The following LRRC49 variants were observed in gnomAD, a reference collection of about 807,000 sequenced individuals.
LRRC49 encodes the protein leucine rich repeat containing 49, also known as leucine-rich repeat-containing protein 49.
LRRC49 carries 50 observed loss-of-function variants against 83.3 expected under a neutral mutation model. The ratio of observed to expected loss-of-function variants is 0.60; its 90% CI spans 0.48 to 0.76. The LOEUF (loss-of-function observed/expected upper bound fraction) is 0.76. LRRC49 is among the 30% of genes least tolerant of loss of function. The pLI is 0.00. For synonymous variants in LRRC49, 286 were observed against 283.3 expected (o/e 1.01, Z -0.10); for missense variants, 704 against 809.1 (o/e 0.87, Z 1.58).
At chr15:70,976,213 C>T (rs2037200959) in intron 9 of LRRC49, among the ~76,000 whole-genome samples, 1 of 152,190 alleles carries the variant, frequency 6.6e-6, no homozygotes, top group Non-Finnish European at 1.5e-5. Context: ...CAGCTAATAT[C>T]CCTGGACCAG....
At chr15:71,015,277 A>T (rs2038788371) in intron 14 of LRRC49, among the ~76,000 whole-genome samples, 2 of 152,206 alleles carry the variant, frequency 1.3e-5, no homozygotes, top group South Asian at 4.1e-4. Flanking sequence ...GATGATATGC[A>T]GCGGCAGTCC....
At position 70,859,846 on chromosome 15, in the gene LRRC49, G is replaced by A. The variant is rs1426006238; in HGVS notation, c.-299+6377G>A. On this transcript the variant is annotated intron_variant, in intron 1 of 16. Transcript: ENST00000544974. ...AGCTGCGTGAGTACCAGGAGCTGATGAATGTCAAGCTGGCCTTGGGCATCA... is the reference window on the plus strand; with the variant it reads ...AGCTGCGTGAGTACCAGGAGCTGATAAATGTCAAGCTGGCCTTGGGCATCA... The A allele has an allele frequency of 2.5e-5, 19 of 766,996 alleles. No homozygotes were observed. In the Admixed American group the frequency reaches 2.6e-4, roughly 10 times the overall value. 47.5% of individuals were successfully genotyped at this position (766,996 alleles called of 1,614,324 possible).
rs866188656 is a variant in LRRC49 at position 70,929,328 on chromosome 15, T to C, written c.712-7433T>C. 4.6e-5 allele frequency among the ~76,000 whole-genome samples: 7 copies of C among 152,356 alleles called. 1 individual carries two copies. The highest frequency in any genetic ancestry group is 6.8e-3 in the Middle Eastern group (2 of 294). ...TTAGTTTCCCAGTACATATAAAAGT[T>C]ATGTTTACACTATACTGTAGTCTAT... On this transcript the variant is annotated intron_variant, in intron 7 of 15. Coordinates refer to ENST00000260382, the MANE Select transcript of LRRC49 (RefSeq NM_017691.5).
chr15:70,914,043 T>A (rs979548766), intron 6 of LRRC49, among the ~76,000 whole-genome samples: 6 of 151,918 alleles, frequency 3.9e-5, no homozygotes, highest in Admixed American at 6.6e-5. Flanking sequence ...AAATTACTTC[T>A]CAAGGTTCTT....
At chr15:70,914,125 T>C (rs2034663589) in intron 6 of LRRC49, among the ~76,000 whole-genome samples, 1 of 151,956 alleles carries the variant, frequency 6.6e-6, no homozygotes, top group South Asian at 2.1e-4. Context: ...AAGTTTTAAA[T>C]GAAAATCTGA....
chr15:70,882,491 G>T (rs2033287939), intron 2 of LRRC49: 1 of 1,613,568 alleles, frequency 6.2e-7, no homozygotes, highest in African/African-American at 1.3e-5. Flanking sequence ...AGCCATATAA[G>T]ACAAATCACT....
chr15:70,938,957 CA>C (rs2035702693), intron 8 of LRRC49, among the ~76,000 whole-genome samples: 1 of 152,118 alleles, frequency 6.6e-6, no homozygotes, highest in African/African-American at 2.4e-5. Flanking sequence ...GAGTTTGTCA[CA>C]CATTTTAAAA....
chr15:70,987,700 C>G (rs1244697957), intron 11 of LRRC49, among the ~76,000 whole-genome samples: 1 of 152,058 alleles, frequency 6.6e-6, no homozygotes, highest in Non-Finnish European at 1.5e-5. Context: ...TTTTCTCTTG[C>G]TTTTCTAGTT....
chr15:70,928,869 T>A (rs901172055), intron 7 of LRRC49, among the ~76,000 whole-genome samples: 4 of 152,212 alleles, frequency 2.6e-5, no homozygotes, highest in Admixed American at 2.0e-4. Flanking sequence ...CTGGCACATA[T>A]CTTTCATTTA....
At chr15:70,946,036 T>A (rs2141172029) in intron 8 of LRRC49, among the ~76,000 whole-genome samples, 1 of 152,304 alleles carries the variant, frequency 6.6e-6, no homozygotes, top group South Asian at 2.1e-4. Context: ...ATAGAATGAC[T>A]AAAACCAATT....
intron 7 of LRRC49, among the ~76,000 whole-genome samples, chr15:70,924,547 A>C (rs1297156091): frequency 1.3e-5 from 2 of 151,972 alleles, no homozygotes; most frequent in Non-Finnish European, 2.9e-5. Context: ...GAATCATTTA[A>C]TACAGTAACC....
At chr15:70,948,701 G>A (rs2036102786) in intron 8 of LRRC49, among the ~76,000 whole-genome samples, 1 of 152,028 alleles carries the variant, frequency 6.6e-6, no homozygotes, top group African/African-American at 2.4e-5. Context: ...CCTAGCTCTG[G>A]AATCAGCCAT....
chr15:70,890,941 T>G (rs1171192721), upstream of LRRC49, among the ~76,000 whole-genome samples: 1 of 152,146 alleles, frequency 6.6e-6, no homozygotes, highest in Non-Finnish European at 1.5e-5. Context: ...GGGTTAATAA[T>G]TTTGCTCTTT....
At chr15:70,922,832 A>G (rs2035056435) in intron 7 of LRRC49, among the ~76,000 whole-genome samples, 1 of 152,084 alleles carries the variant, frequency 6.6e-6, no homozygotes, top group Non-Finnish European at 1.5e-5. Flanking sequence ...TTAATAAAAA[A>G]TTTTAAAGCA....
At chr15:71,039,303 C>T (rs949368850) in intron 15 of LRRC49, among the ~76,000 whole-genome samples, 2 of 152,022 alleles carry the variant, frequency 1.3e-5, no homozygotes, top group East Asian at 3.9e-4. Flanking sequence ...ATCCTTTGGC[C>T]AATAGGGGTT....
At chr15:70,967,017 T>C (rs538367483) in intron 9 of LRRC49, among the ~76,000 whole-genome samples, 3 of 152,236 alleles carry the variant, frequency 2.0e-5, no homozygotes, top group Admixed American at 6.5e-5. Context: ...ATCCCAAGTC[T>C]ACCTGAAAAA....
At chr15:71,040,453 C>T (rs1429450971) in intron 15 of LRRC49, among the ~76,000 whole-genome samples, 5 of 152,136 alleles carry the variant, frequency 3.3e-5, no homozygotes, top group Non-Finnish European at 7.3e-5. Context: ...TATCCCTCAT[C>T]AGTTGACTTT....
intron 14 of LRRC49, among the ~76,000 whole-genome samples, chr15:71,034,973 A>G (rs1477905018): frequency 1.3e-5 from 2 of 152,186 alleles, no homozygotes; most frequent in African/African-American, 2.4e-5. Context: ...TGATAGGTGC[A>G]GCAAACCACC....
chr15:70,958,751 T>C (rs193271266), intron 8 of LRRC49, among the ~76,000 whole-genome samples: 32 of 152,348 alleles, frequency 2.1e-4, no homozygotes, highest in Non-Finnish European at 3.2e-4. Context: ...TCTAAACATG[T>C]CTCAAACACT....
Sources: allele counts gnomAD v4.1 joint callset (sites outside exome capture counted in the v4.1 genomes callset), GRCh38; gene constraint gnomAD v4.1.1; transcripts MANE v1.5; gene names NCBI Gene and HGNC (gene_info 2026-07-23, HGNC 2026-07-21).